ERBB4: variants seen among roughly 807,000 people sequenced by gnomAD.
The protein encoded by ERBB4 is erb-b2 receptor tyrosine kinase 4.
In ERBB4, 42 loss-of-function variants were observed where a neutral mutation model predicts 158.0. That is an observed-to-expected ratio of 0.27 (90% CI 0.21 to 0.34). ERBB4 has a LOEUF of 0.34. Among genes scored for constraint, ERBB4 ranks in the 10% least tolerant of loss-of-function variants. The pLI, the probability that ERBB4 is intolerant of heterozygous loss-of-function variation, is 1.00. For missense variants in ERBB4, 1,333 were observed against 1,624.1 expected (o/e 0.82, Z 3.08); for synonymous variants, 583 against 558.7 (o/e 1.04, Z -0.61).
At chr2:211,786,044 G>T (rs2076156343) in intron 4 of ERBB4, among the ~76,000 whole-genome samples, 1 of 152,050 alleles carries the variant, frequency 6.6e-6, no homozygotes, top group South Asian at 2.1e-4. Flanking sequence ...ATGAAGTCTT[G>T]AACTAGGGCA....
At chr2:211,453,144 C>T (rs1437741317) in intron 20 of ERBB4, among the ~76,000 whole-genome samples, 2 of 152,106 alleles carry the variant, frequency 1.3e-5, no homozygotes, top group East Asian at 3.9e-4. Flanking sequence ...ATTCAAAGTA[C>T]TAGGTAATGC....
chr2:211,424,059 A>G (rs1301245643), intron 23 of ERBB4, 96 bp downstream of exon 23: 1 of 1,266,228 alleles, frequency 7.9e-7, no homozygotes, highest in East Asian at 2.3e-5. Context: ...GAACTGTCGT[A>G]TTTTTCAATA....
At chr2:212,065,456 G>T (rs10932416) in intron 2 of ERBB4, among the ~76,000 whole-genome samples, 127,673 of 151,956 alleles carry the variant, frequency 0.84, 55,329 homozygotes, top group East Asian at 1. Context: ...ATTTATAATA[G>T]CTAACATATT....
chr2:211,697,531 A>G (rs1297381440), intron 12 of ERBB4, among the ~76,000 whole-genome samples: 1 of 152,202 alleles, frequency 6.6e-6, no homozygotes, highest in Non-Finnish European at 1.5e-5. Flanking sequence ...CATTTAAAGA[A>G]CAAAATTTAA....
chr2:212,087,572 C>G (rs1335779556), intron 2 of ERBB4, among the ~76,000 whole-genome samples: 1 of 152,014 alleles, frequency 6.6e-6, no homozygotes, highest in Non-Finnish European at 1.5e-5. Context: ...ACACTTCCAG[C>G]CACTCAGCAC....
chr2:212,210,553 T>C (rs1324350192), intron 1 of ERBB4, among the ~76,000 whole-genome samples: 1 of 152,200 alleles, frequency 6.6e-6, no homozygotes, highest in African/African-American at 2.4e-5. Flanking sequence ...ATCAGAGAAA[T>C]AGATGATCCA....
intron 2 of ERBB4, among the ~76,000 whole-genome samples, chr2:212,112,350 G>C (rs1373525018): frequency 6.6e-6 from 1 of 152,012 alleles, no homozygotes; most frequent in Admixed American, 6.6e-5. Flanking sequence ...ACTGTCCCCA[G>C]CACTGAGTAA....
intron 3 of ERBB4, among the ~76,000 whole-genome samples, chr2:211,858,460 T>A (rs2106061588): frequency 6.6e-6 from 1 of 152,314 alleles, no homozygotes; most frequent in South Asian, 2.1e-4. Flanking sequence ...CTAATCAAAA[T>A]AAAGTCCTCA....
At chr2:212,109,368 G>C (rs553966403) in intron 2 of ERBB4, among the ~76,000 whole-genome samples, 1 of 152,104 alleles carries the variant, frequency 6.6e-6, no homozygotes, top group Non-Finnish European at 1.5e-5. Context: ...CTGCCTTCTG[G>C]AACAACTCAA....
intron 4 of ERBB4, among the ~76,000 whole-genome samples, chr2:211,765,431 TATACTC>T (rs1177544914): frequency 6.6e-6 from 1 of 152,202 alleles, no homozygotes; most frequent in Non-Finnish European, 1.5e-5. Flanking sequence ...CAACGTATAT[TATACTC>T]TTACTCTTAA....
chr2:211,653,476 C>T (rs1333977541), intron 16 of ERBB4, among the ~76,000 whole-genome samples: 6 of 137,862 alleles, frequency 4.4e-5, no homozygotes, highest in Non-Finnish European at 8.0e-5. Context: ...CCCCCGCACC[C>T]GCCCCCCCCC....
At chr2:212,425,711 T>C (rs2091898724) in intron 1 of ERBB4, among the ~76,000 whole-genome samples, 1 of 151,986 alleles carries the variant, frequency 6.6e-6, no homozygotes, top group Non-Finnish European at 1.5e-5. Flanking sequence ...TGTATGTATC[T>C]TTATCACTTC....
At chr2:212,030,758 A>G (rs974372815) in intron 2 of ERBB4, among the ~76,000 whole-genome samples, 2 of 152,126 alleles carry the variant, frequency 1.3e-5, no homozygotes, top group African/African-American at 2.4e-5. Flanking sequence ...GTTGTGGACT[A>G]TTCTTTGAGG....
intron 2 of ERBB4, among the ~76,000 whole-genome samples, chr2:211,991,962 C>A (rs1186807903): frequency 3.9e-5 from 6 of 152,018 alleles, no homozygotes. Context: ...GGGGACAGGA[C>A]AATGTGAAGC....
At chr2:211,530,803 C>T (rs78243699) in intron 20 of ERBB4, among the ~76,000 whole-genome samples, 5,297 of 152,136 alleles carry the variant, frequency 0.035, 301 homozygotes, top group African/African-American at 0.12. Flanking sequence ...AGTGGGAGAA[C>T]GCTTGTGCCT....
intron 1 of ERBB4, among the ~76,000 whole-genome samples, chr2:212,335,132 G>A (rs1157047597): frequency 2.6e-5 from 4 of 151,862 alleles, no homozygotes; most frequent in Admixed American, 6.6e-5. Flanking sequence ...ATATGCCTCT[G>A]TAACCTTTTT....
At chr2:211,927,859 T>C (rs775835113) in intron 3 of ERBB4, among the ~76,000 whole-genome samples, 1 of 152,098 alleles carries the variant, frequency 6.6e-6, no homozygotes, top group Admixed American at 6.6e-5. Flanking sequence ...TTAATTAGCA[T>C]AGCAAATGGC....
intron 1 of ERBB4, among the ~76,000 whole-genome samples, chr2:212,479,815 A>G (rs1333635306): frequency 6.6e-6 from 1 of 152,220 alleles, no homozygotes; most frequent in Non-Finnish European, 1.5e-5. Context: ...ACTAGAATTG[A>G]AAGAGGTAGC....
At chr2:212,378,751 T>C (rs1412085050) in intron 1 of ERBB4, among the ~76,000 whole-genome samples, 1 of 151,842 alleles carries the variant, frequency 6.6e-6, no homozygotes, top group African/African-American at 2.4e-5. Flanking sequence ...TACTAACACA[T>C]GGTCTACACC....
Sources: allele counts gnomAD v4.1 joint callset (sites outside exome capture counted in the v4.1 genomes callset), GRCh38; gene constraint gnomAD v4.1.1; transcripts MANE v1.5; gene names NCBI Gene and HGNC (gene_info 2026-07-23, HGNC 2026-07-21).